The following CUL5 variants were observed in gnomAD, a reference collection of about 807,000 sequenced individuals.
CUL5 encodes the protein cullin 5.
CUL5 carries 26 observed loss-of-function variants against 108.8 expected under a neutral mutation model. That is an observed-to-expected ratio of 0.24 (90% CI 0.18 to 0.33). CUL5 has a LOEUF of 0.33. CUL5 is among the 10% of genes least tolerant of loss of function. CUL5 has a pLI of 1.00. For missense variants in CUL5, 524 were observed against 909.2 expected, an observed-to-expected ratio of 0.58 and a Z score of 5.45; for synonymous variants, 334 against 298.0, an observed-to-expected ratio of 1.12 and a Z score of -1.25.
chr11:108,058,303 C>CAGTA (rs1348174258), intron 7 of CUL5, among the ~76,000 whole-genome samples: 2 of 119,062 alleles, frequency 1.7e-5, no homozygotes, highest in African/African-American at 3.3e-5. Context: ...GGCTAGAGTG[C>CAGTA]AGTAGTGCAG....
At chr11:108,015,968 C>G (rs1862176959) in intron 1 of CUL5, among the ~76,000 whole-genome samples, 1 of 152,106 alleles carries the variant, frequency 6.6e-6, no homozygotes, top group South Asian at 2.1e-4. Flanking sequence ...CTCACACAAG[C>G]TGCAGTGCAG....
intron 7 of CUL5, among the ~76,000 whole-genome samples, chr11:108,059,643 C>A (rs1162249494): frequency 6.6e-6 from 1 of 151,976 alleles, no homozygotes; most frequent in Admixed American, 6.6e-5. Flanking sequence ...CTTAGGGAGG[C>A]CGAGATGGGT....
chr11:108,099,744 G>A (rs372790326), intron 18 of CUL5, among the ~76,000 whole-genome samples: 3 of 151,976 alleles, frequency 2.0e-5, no homozygotes, highest in East Asian at 3.8e-4. Context: ...CAGGCTCTCC[G>A]CCTACCCCAG....
At chr11:108,091,294 G>A (rs1221095791) in intron 13 of CUL5, among the ~76,000 whole-genome samples, 1 of 151,762 alleles carries the variant, frequency 6.6e-6, no homozygotes, top group Non-Finnish European at 1.5e-5. Context: ...TAAGTGATCC[G>A]CCTGCCTCGG....
chr11:108,049,034 T>C (rs372320205), intron 3 of CUL5, among the ~76,000 whole-genome samples: 5 of 152,300 alleles, frequency 3.3e-5, no homozygotes, highest in South Asian at 4.1e-4. Flanking sequence ...TTAAAGGATA[T>C]GATTCAGTGG....
chr11:108,094,733 C>A, intron 14 of CUL5, 79 bp from the exon 15 acceptor site: 3 of 1,162,744 alleles, frequency 2.6e-6, no homozygotes, highest in Non-Finnish European at 3.6e-6. Context: ...ATTGATTTTT[C>A]ACCCAAAGTT....
At chr11:108,101,792 C>T (rs1022975138) in intron 18 of CUL5, among the ~76,000 whole-genome samples, 8 of 152,196 alleles carry the variant, frequency 5.3e-5, no homozygotes, top group Non-Finnish European at 7.3e-5. Context: ...ACCACCTTCA[C>T]CTCTATCTAA....
At chr11:108,090,228 C>T (rs1384427463) in intron 13 of CUL5, among the ~76,000 whole-genome samples, 2 of 152,096 alleles carry the variant, frequency 1.3e-5, no homozygotes, top group East Asian at 1.9e-4. Context: ...GTGGCTCACA[C>T]CTATAATCCC....
rs1300945016 is a variant in CUL5, at chr11:108,073,510, A to C, written c.1113+13A>C. 1.6e-6 allele frequency: 2 copies of C among 1,213,198 alleles called. No homozygotes were observed. The highest frequency in any genetic ancestry group is 2.4e-5 in the East Asian group (1 of 41,342). The allele number at this position is 1,213,198 out of a possible 1,614,324, so 75.2% of individuals were successfully genotyped here. A position where few individuals can be genotyped will look rare whatever the true frequency, so the allele number is the denominator to read the frequency against. On this transcript the variant is annotated intron_variant, in intron 10 of 18. Coordinates refer to ENST00000393094, the MANE Select transcript of CUL5 (RefSeq NM_003478.6). ...TGCAAGAGATAAGGTATATATTCCT[A>C]TATATATAAAAAACACTTTTAAAAG...
At chr11:108,030,719 A>G (rs758056190) in intron 1 of CUL5, among the ~76,000 whole-genome samples, 2 of 152,212 alleles carry the variant, frequency 1.3e-5, no homozygotes, top group Non-Finnish European at 2.9e-5. Flanking sequence ...AGGATGAACT[A>G]TGTTCGTGAA....
chr11:108,031,237 G>A (rs1862573728), intron 1 of CUL5, among the ~76,000 whole-genome samples: 1 of 151,866 alleles, frequency 6.6e-6, no homozygotes, highest in African/African-American at 2.4e-5. Context: ...GTGTGGTGGT[G>A]CGTGTCTAAT....
At position 108,049,907 on chromosome 11, in the gene CUL5, A is replaced by G. The variant is rs1262049471; in HGVS notation, c.252A>G (p.Gln84=). 3.1e-6 allele frequency: 5 copies of G among 1,613,224 alleles called. No individual in the cohort carries two copies. Among genetic ancestry groups the G allele is most frequent in the Non-Finnish European group, 4.2e-6 (5 of 1,179,734 alleles). ...TTTTTCAGCGAGTACTGAGCCATCAAGATGATACGGCTTTGCTAAAAGCAT... is the reference window on the plus strand; with the variant it reads ...TTTTTCAGCGAGTACTGAGCCATCAGGATGATACGGCTTTGCTAAAAGCAT... ...KQAQARVLSH[Q]DDTALLKAYI... Residue 84 remains glutamine (Q), a synonymous_variant, in exon 4 of 19, where the codon CAA becomes CAG. Coordinates refer to ENST00000393094, the MANE Select transcript of CUL5 (RefSeq NM_003478.6).
At chr11:108,092,149 A>T (rs1864378244) in intron 13 of CUL5, among the ~76,000 whole-genome samples, 1 of 152,234 alleles carries the variant, frequency 6.6e-6, no homozygotes, top group Non-Finnish European at 1.5e-5. Context: ...AAACAAAAAA[A>T]ACACAAAGAG....
chr11:108,024,089 G>A (rs540153103), intron 1 of CUL5, among the ~76,000 whole-genome samples: 2 of 152,322 alleles, frequency 1.3e-5, no homozygotes, highest in Admixed American at 1.3e-4. Flanking sequence ...CTGGCCCATG[G>A]ATTAGAAGCC....
intron 12 of CUL5, among the ~76,000 whole-genome samples, chr11:108,089,082 A>C (rs1286436542): frequency 6.6e-6 from 1 of 152,132 alleles, no homozygotes; most frequent in African/African-American, 2.4e-5. Flanking sequence ...GTAATGATGT[A>C]AGCCCAGGAA....
At chr11:108,015,342 AT>A (rs1171061624) in intron 1 of CUL5, among the ~76,000 whole-genome samples, 1 of 152,232 alleles carries the variant, frequency 6.6e-6, no homozygotes, top group Non-Finnish European at 1.5e-5. Context: ...CAGAGTCAGG[AT>A]CATGCTTGGC....
Position 108,052,178 on chromosome 11 carries a change from C to T in CUL5, c.412-482C>T, listed in dbSNP as rs144537623. ...GTTGAGATGGGTCTTACTGTGTTGC[C>T]GAGGCTGGTCTCAAACTCCTGGCCT... On this transcript the variant is annotated intron_variant, in intron 4 of 18. Coordinates refer to ENST00000393094, the MANE Select transcript of CUL5 (RefSeq NM_003478.6). Among the ~76,000 whole-genome samples, 418 of 152,080 alleles carry T rather than the reference C, an allele frequency of 2.7e-3. 1 individual carries two copies. Among genetic ancestry groups the T allele is most frequent in the Non-Finnish European group, 4.7e-3 (323 of 68,000 alleles).
chr11:108,019,087 A>G (rs918677014), intron 1 of CUL5, among the ~76,000 whole-genome samples: 1 of 151,698 alleles, frequency 6.6e-6, no homozygotes, highest in Non-Finnish European at 1.5e-5. Flanking sequence ...ATTGTAAGTA[A>G]TTTAGAGATG....
At chr11:108,024,280 G>A (rs1209802921) in intron 1 of CUL5, among the ~76,000 whole-genome samples, 1 of 152,188 alleles carries the variant, frequency 6.6e-6, no homozygotes, top group Non-Finnish European at 1.5e-5. Context: ...GCCAGGCACA[G>A]TGATCATGCC....
Sources: allele counts gnomAD v4.1 joint callset (sites outside exome capture counted in the v4.1 genomes callset), GRCh38; gene constraint gnomAD v4.1.1; transcripts MANE v1.5; gene names NCBI Gene and HGNC (gene_info 2026-07-23, HGNC 2026-07-21).